The following LIMCH1 variants were observed in gnomAD, a reference collection of about 807,000 sequenced individuals.
LIMCH1 encodes the protein LIM and calponin homology domains-containing protein 1.
LIMCH1 carries 113 observed loss-of-function variants against 176.5 expected under a neutral mutation model. That is an observed-to-expected ratio of 0.64 (90% confidence interval 0.55 to 0.75). LIMCH1 has a LOEUF of 0.75. Ranked by LOEUF, LIMCH1 falls within the 30% of genes least tolerant of loss-of-function variation. The pLI is 0.00. For synonymous variants in LIMCH1, 619 were observed against 645.9 expected (o/e 0.96, Z 0.63); for missense variants, 1,674 against 1,814.9 (o/e 0.92, Z 1.41).
intron 1 of LIMCH1, among the ~76,000 whole-genome samples, chr4:41,384,828 T>G (rs1334827357): frequency 6.6e-6 from 1 of 152,214 alleles, no homozygotes; most frequent in African/African-American, 2.4e-5. Context: ...AAGTATTACT[T>G]GGTGTTGATC....
rs112207885 is a variant in LIMCH1 at position 41,383,061 on chromosome 4, G to A, written c.96+22125G>A. On this transcript the variant is annotated intron_variant, in intron 1 of 26. Coordinates refer to the LIMCH1 transcript ENST00000313860. ...CTGCTTCAGCCTCCCAAAGTGTTGG[G>A]ATTACAGACGTGAGCCACTGTGCCC... is the stretch of plus-strand genomic sequence containing the variant. Among the ~76,000 whole-genome samples, 269 of 152,294 alleles carry A rather than the reference G, an allele frequency of 1.8e-3. 2 individuals carry two copies. Among genetic ancestry groups the A allele is most frequent in the African/African-American group, 5.7e-3 (237 of 41,566 alleles).
intron 1 of LIMCH1, among the ~76,000 whole-genome samples, chr4:41,442,485 T>C (rs1250663956): frequency 6.6e-6 from 1 of 152,208 alleles, no homozygotes; most frequent in Non-Finnish European, 1.5e-5. Flanking sequence ...AAATATGTAT[T>C]CATGGAGCAA....
At chr4:41,444,311 TATACACACACACAC>T (rs2063037158) in intron 1 of LIMCH1, among the ~76,000 whole-genome samples, 2 of 71,186 alleles carry the variant, frequency 2.8e-5, no homozygotes, top group African/African-American at 2.1e-4. Flanking sequence ...TGTGTATATA[TATACACACACACAC>T]ACACACACAC....
chr4:41,376,738 A>C (rs1021522309), intron 1 of LIMCH1, among the ~76,000 whole-genome samples: 15 of 152,178 alleles, frequency 9.9e-5, no homozygotes, highest in African/African-American at 3.4e-4. Context: ...ACCTCATGAC[A>C]CTAATTTGGA....
intron 14 of LIMCH1, 99 bp from the exon 15 acceptor site, chr4:41,644,401 A>C: frequency 1.5e-6 from 2 of 1,378,182 alleles, no homozygotes; most frequent in Non-Finnish European, 9.5e-7. Flanking sequence ...GCAGTTTTCC[A>C]AGCCCGGTAG....
At chr4:41,692,558 G>A (rs1726950017) in intron 31 of LIMCH1, 174 bp downstream of exon 31, 1 of 550,888 alleles carries the variant, frequency 1.8e-6, no homozygotes, top group Non-Finnish European at 3.3e-6. Flanking sequence ...TTTCTTCCTG[G>A]AAGTTATTGC....
chr4:41,494,430 T>G (rs1405616529), intron 1 of LIMCH1: 10 of 710,172 alleles, frequency 1.4e-5, no homozygotes, highest in Non-Finnish European at 1.9e-5. Flanking sequence ...TACACATACA[T>G]AGTTATATAT....
At chr4:41,491,129 C>CGAT in intron 1 of LIMCH1, among the ~76,000 whole-genome samples, 1 of 150,126 alleles carries the variant, frequency 6.7e-6, no homozygotes, top group South Asian at 2.1e-4. Flanking sequence ...GATGGGGCGG[C>CGAT]TGGGCAGAGG....
At chr4:41,613,232 A>G in intron 4 of LIMCH1, 10 of 858,886 alleles carry the variant, frequency 1.2e-5, no homozygotes, top group Non-Finnish European at 1.6e-5. Flanking sequence ...TTATTTGGGG[A>G]TTTTTTTAAA....
intron 1 of LIMCH1, among the ~76,000 whole-genome samples, chr4:41,576,689 A>G (rs1245922585): frequency 6.6e-6 from 1 of 152,162 alleles, no homozygotes; most frequent in African/African-American, 2.4e-5. Context: ...TTCCCTTTCA[A>G]AAGTATCTTG....
chr4:41,556,124 A>G (rs1472081235), intron 1 of LIMCH1, among the ~76,000 whole-genome samples: 1 of 151,984 alleles, frequency 6.6e-6, no homozygotes, highest in Non-Finnish European at 1.5e-5. Context: ...ATGATCTGAA[A>G]AAAGAAGTTA....
In LIMCH1 at chr4:41,626,894, G is replaced by C; in HGVS notation, c.912G>C (p.Met304Ile). 6.5e-7 allele frequency: 1 copy of C among 1,536,130 alleles called. No homozygotes were observed. The highest frequency in any genetic ancestry group is 8.7e-7 in the Non-Finnish European group (1 of 1,146,926). The change falls in exon 8 of 32, where the codon ATG becomes ATC. Residue 304 changes from methionine (M) to isoleucine (I), a missense_variant. Coordinates refer to ENST00000503057, the MANE Select transcript of LIMCH1 (RefSeq NM_001330672.2). ...RRARMNQTKP[M>I]VPLNQLLYGP... ...CAAGGATGAACCAAACCAAGCCAAT[G>C]GTGCCATTAAATCAACTCCTCTATG...
intron 1 of LIMCH1, among the ~76,000 whole-genome samples, chr4:41,457,375 T>C (rs1279106753): frequency 6.6e-6 from 1 of 152,054 alleles, no homozygotes; most frequent in African/African-American, 2.4e-5. Flanking sequence ...GTAGGGAAAT[T>C]ATGTGGATTT....
intron 30 of LIMCH1, among the ~76,000 whole-genome samples, chr4:41,691,809 T>C (rs535620982): frequency 6.6e-6 from 1 of 152,158 alleles, no homozygotes; most frequent in South Asian, 2.1e-4. Flanking sequence ...TCCTAGAAAT[T>C]TTGATCTGGT....
intron 24 of LIMCH1, 129 bp downstream of exon 24, chr4:41,680,227 T>C: frequency 4.6e-6 from 3 of 658,972 alleles, no homozygotes; most frequent in Non-Finnish European, 5.4e-6. Flanking sequence ...CAGAATCCCA[T>C]CAAGCTCTTT....
chr4:41,522,744 G>A (rs572018513), intron 2 of LIMCH1, among the ~76,000 whole-genome samples: 7 of 152,034 alleles, frequency 4.6e-5, no homozygotes, highest in African/African-American at 1.7e-4. Flanking sequence ...AACCAGCTCT[G>A]GGGAAGTCAC....
intron 18 of LIMCH1, among the ~76,000 whole-genome samples, chr4:41,654,454 G>A (rs750892458): frequency 4.6e-5 from 7 of 152,196 alleles, no homozygotes; most frequent in Non-Finnish European, 8.8e-5. Context: ...GGTAAGTTGG[G>A]TGTATTCAGT....
intron 2 of LIMCH1, among the ~76,000 whole-genome samples, chr4:41,511,022 A>G (rs2074840522): frequency 6.6e-6 from 1 of 152,218 alleles, no homozygotes; most frequent in Admixed American, 6.5e-5. Flanking sequence ...GCCCTTCCTT[A>G]AGCCACTGTA....
chr4:41,580,968 A>G (rs77242516), intron 1 of LIMCH1, among the ~76,000 whole-genome samples: 7,947 of 152,262 alleles, frequency 0.052, 557 homozygotes, highest in African/African-American at 0.16. Context: ...CCAGAAGTAG[A>G]AACCTTGACT....
Sources: gnomAD v4.1 joint callset for allele counts (sites outside exome capture counted in the v4.1 genomes callset) on GRCh38, gnomAD v4.1.1 for gene constraint, MANE v1.5 for transcripts, NCBI Gene and HGNC (gene_info 2026-07-23, HGNC 2026-07-21) for gene names.